The following SAMD12 variants were observed in gnomAD, a reference collection of about 807,000 sequenced individuals.
SAMD12 encodes the protein sterile alpha motif domain containing 12.
SAMD12 carries 9 observed loss-of-function variants against 15.0 expected under a neutral mutation model. That is an observed-to-expected ratio of 0.60 (90% CI 0.36 to 1.05). SAMD12 has a LOEUF of 1.05. SAMD12 is among the 50% of genes least tolerant of loss of function. The pLI is 0.01. For synonymous variants in SAMD12, 86 were observed against 90.1 expected, an observed-to-expected ratio of 0.96 and a Z score of 0.25; for missense variants, 230 against 234.2, an observed-to-expected ratio of 0.98 and a Z score of 0.12.
chr8:118,258,424 T>C (rs1813002277), intron 4 of SAMD12, among the ~76,000 whole-genome samples: 1 of 151,622 alleles, frequency 6.6e-6, no homozygotes, highest in Non-Finnish European at 1.5e-5. Context: ...TATATTTCTG[T>C]CATTCATTCA....
At chr8:118,260,594 T>G (rs560538696) in intron 4 of SAMD12, among the ~76,000 whole-genome samples, 2 of 152,176 alleles carry the variant, frequency 1.3e-5, no homozygotes, top group South Asian at 4.1e-4. Context: ...CTGACCTCTG[T>G]GAATTGTACT....
intron 2 of SAMD12, among the ~76,000 whole-genome samples, chr8:118,557,993 A>G (rs550849937): frequency 6.6e-6 from 1 of 152,324 alleles, no homozygotes; most frequent in East Asian, 1.9e-4. Context: ...TTCTTGCATG[A>G]ATAAAACAAT....
chr8:118,252,542 G>A (rs189676732), intron 4 of SAMD12, among the ~76,000 whole-genome samples: 177 of 152,232 alleles, frequency 1.2e-3, no homozygotes, highest in African/African-American at 3.9e-3. Flanking sequence ...CTTCCTGATA[G>A]CTGCCTTTGT....
At chr8:118,489,454 A>G (rs1226362119) in intron 2 of SAMD12, among the ~76,000 whole-genome samples, 1 of 152,190 alleles carries the variant, frequency 6.6e-6, no homozygotes, top group Non-Finnish European at 1.5e-5. Context: ...CTTTAAAAAT[A>G]TTCTAGTAGA....
At chr8:118,587,665 A>T (rs564046996) in intron 1 of SAMD12, among the ~76,000 whole-genome samples, 18 of 152,334 alleles carry the variant, frequency 1.2e-4, no homozygotes, top group African/African-American at 4.3e-4. Context: ...GCTACAGTAC[A>T]TGCTGTGACC....
At chr8:118,328,627 G>A (rs1816669210) in intron 4 of SAMD12, among the ~76,000 whole-genome samples, 1 of 152,184 alleles carries the variant, frequency 6.6e-6, no homozygotes, top group Admixed American at 6.5e-5. Context: ...ATTGACCACA[G>A]ACTTAAAGTA....
intron 4 of SAMD12, chr8:118,288,351 A>AC (rs906429583): frequency 1.3e-5 from 2 of 152,184 alleles, no homozygotes; most frequent in African/African-American, 4.8e-5. Flanking sequence ...TTATGCCATC[A>AC]CCCTGCATAA....
chr8:118,182,020 A>T, the SAMD12 span, among the ~76,000 whole-genome samples: 1 of 151,788 alleles, frequency 6.6e-6, no homozygotes, highest in Non-Finnish European at 1.5e-5. Context: ...ACCCCACAGA[A>T]TTTTTTTTTC....
chr8:118,308,714 CTTT>C (rs33966721), intron 4 of SAMD12, among the ~76,000 whole-genome samples: 2 of 149,602 alleles, frequency 1.3e-5, no homozygotes, highest in Non-Finnish European at 3.0e-5. Context: ...GTACACATGA[CTTT>C]TTTTTTTTAC....
chr8:118,194,205 A>G (rs1437873819), exon 5 of SAMD12: 2 of 152,162 alleles, frequency 1.3e-5, no homozygotes. Context: ...TAAAAATGGC[A>G]GAATTTCCTC....
intron 1 of SAMD12, among the ~76,000 whole-genome samples, chr8:118,597,693 T>C (rs1827758001): frequency 6.6e-6 from 1 of 152,202 alleles, no homozygotes; most frequent in African/African-American, 2.4e-5. Context: ...ATAAACCCTA[T>C]GCCCTCATTT....
intron 4 of SAMD12, among the ~76,000 whole-genome samples, chr8:118,304,147 T>G (rs1815187620): frequency 6.6e-6 from 1 of 152,202 alleles, no homozygotes; most frequent in Non-Finnish European, 1.5e-5. Context: ...AGGTGCTCCC[T>G]ATAAAGAGAG....
Position 118,449,798 on chromosome 8 carries a change from C to CAAA in SAMD12, c.193-9840_193-9838dup, listed in dbSNP as rs35279962. On this transcript the variant is annotated intron_variant, in intron 2 of 3. Coordinates refer to ENST00000314727, the MANE Select transcript of SAMD12 (RefSeq NM_207506.3). ...CCTGGGCATCAGAGCGAGACTGTCT[C>CAAA]AAAAAAAAAAAAAAAAAAACAACAA... Among the ~76,000 whole-genome samples, 415 of 72,242 alleles carry CAAA rather than the reference C, an allele frequency of 5.7e-3. 9 individuals are homozygous for CAAA. The highest frequency in any genetic ancestry group is 0.017 in the African/African-American group (303 of 17,336). The allele number at this position is 72,242 out of a possible 152,430, so 47.4% of individuals were successfully genotyped here.
the SAMD12 span, among the ~76,000 whole-genome samples, chr8:118,165,595 C>CATATATACATATATATCTGTATATAT: frequency 1.0e-5 from 1 of 96,954 alleles, no homozygotes; most frequent in East Asian, 2.4e-4. Context: ...TATATATATA[C>CATATATACATATATATCTGTATATAT]ATATATACAT....
intron 4 of SAMD12, among the ~76,000 whole-genome samples, chr8:118,270,221 G>A (rs1456717860): frequency 6.6e-6 from 1 of 152,082 alleles, no homozygotes; most frequent in Non-Finnish European, 1.5e-5. Context: ...CTTCTTCTGA[G>A]TTTATGGACA....
the SAMD12 span, among the ~76,000 whole-genome samples, chr8:118,152,687 C>T: frequency 6.6e-6 from 1 of 152,034 alleles, no homozygotes; most frequent in African/African-American, 2.4e-5. Context: ...TTTGTAGAGA[C>T]AGGATTTCAC....
At chr8:118,406,342 C>T (rs1405071593) in intron 3 of SAMD12, among the ~76,000 whole-genome samples, 2 of 151,972 alleles carry the variant, frequency 1.3e-5, no homozygotes, top group Non-Finnish European at 2.9e-5. Context: ...GGTGCGATCT[C>T]GCCTCACTGC....
rs370893985 is a variant in SAMD12, at chr8:118,613,352, GAGA to G, written c.13+8449_13+8451del. ...GTACTTTATCTTGAAAAGAGAAAGG[GAGA>G]AGTTTATCTGATATTTAACCAAATT... On this transcript the variant is annotated intron_variant, in intron 1 of 3. Coordinates refer to ENST00000314727, the MANE Select transcript of SAMD12 (RefSeq NM_207506.3). Among the ~76,000 whole-genome samples, 6 of 152,286 alleles carry G rather than the reference GAGA, an allele frequency of 3.9e-5. No homozygotes were observed. In the East Asian group the frequency reaches 9.7e-4, roughly 24 times the overall value.
At chr8:118,585,428 G>T (rs192689606) in intron 1 of SAMD12, among the ~76,000 whole-genome samples, 38 of 152,182 alleles carry the variant, frequency 2.5e-4, no homozygotes, top group African/African-American at 8.4e-4. Flanking sequence ...AATTAAAAAT[G>T]ATTAAAATGA....
Sources: allele counts gnomAD v4.1 joint callset (sites outside exome capture counted in the v4.1 genomes callset), GRCh38; gene constraint gnomAD v4.1.1; transcripts MANE v1.5; gene names NCBI Gene and HGNC (gene_info 2026-07-23, HGNC 2026-07-21).